Variants in AFF2 observed in about 807,000 individuals in gnomAD.
The protein encoded by AFF2 is ALF transcription elongation factor 2.
Under a neutral mutation model 76.9 loss-of-function variants are expected in AFF2, and 14 were observed. The observed-to-expected ratio is 0.18, with a 90% CI of 0.12 to 0.28. AFF2 has a LOEUF of 0.28. Among genes scored for constraint, AFF2 ranks in the 10% least tolerant of loss-of-function variants. The pLI, the probability that AFF2 is intolerant of heterozygous loss-of-function variation, is 1.00. For synonymous variants in AFF2, 398 were observed against 366.7 expected, an observed-to-expected ratio of 1.09 and a Z score of -0.98; for missense variants, 868 against 1,001.1, an observed-to-expected ratio of 0.87 and a Z score of 1.79.
chrX:148,713,932 A>C (rs1457053279), intron 3 of AFF2, among the ~76,000 whole-genome samples: 1 of 112,021 alleles, frequency 8.9e-6, no homozygotes, highest in Non-Finnish European at 1.9e-5. Context: ...TCAGGGTATG[A>C]AAATGCAAAG....
chrX:148,721,621 G>T (rs868960279), intron 3 of AFF2, among the ~76,000 whole-genome samples: 2 of 111,780 alleles, frequency 1.8e-5, no homozygotes, highest in Middle Eastern at 4.2e-3. Context: ...CAGTGTAGAG[G>T]CATGATTTTA....
intron 1 of AFF2, among the ~76,000 whole-genome samples, chrX:148,561,326 G>A (rs1237944700): frequency 9.0e-6 from 1 of 111,606 alleles, no homozygotes; most frequent in Non-Finnish European, 1.9e-5. Flanking sequence ...CTGGCTCTAG[G>A]GTATTTTCTC....
At chrX:148,695,120 T>C (rs782587707) in intron 3 of AFF2, among the ~76,000 whole-genome samples, 1 of 111,741 alleles carries the variant, frequency 8.9e-6, no homozygotes, top group South Asian at 3.8e-4. Context: ...CTGGCCTTCA[T>C]AAAGCACATT....
intron 9 of AFF2, among the ~76,000 whole-genome samples, chrX:148,908,671 G>A (rs2071436554): frequency 1.8e-5 from 2 of 111,951 alleles, no homozygotes; most frequent in East Asian, 2.8e-4. Context: ...CAGAGGCCCA[G>A]CGGCATCATT....
intron 8 of AFF2, among the ~76,000 whole-genome samples, chrX:148,903,622 T>G (rs1441051333): frequency 8.9e-6 from 1 of 111,745 alleles, no homozygotes; most frequent in Non-Finnish European, 1.9e-5. Context: ...TATGATTTGG[T>G]GTATATTTTC....
intron 7 of AFF2, among the ~76,000 whole-genome samples, chrX:148,855,227 G>A (rs1557275804): frequency 9.0e-6 from 1 of 110,787 alleles, no homozygotes; most frequent in Non-Finnish European, 1.9e-5. Flanking sequence ...ATTTTGGTTT[G>A]GTCAGCGTGG....
chrX:148,754,250 T>A (rs2055534726), intron 3 of AFF2, among the ~76,000 whole-genome samples: 1 of 111,993 alleles, frequency 8.9e-6, no homozygotes, highest in African/African-American at 3.2e-5. Context: ...TATGTAACAC[T>A]TTTTATCTCT....
At chrX:148,877,496 A>G (rs1389621028) in intron 7 of AFF2, among the ~76,000 whole-genome samples, 2 of 112,851 alleles carry the variant, frequency 1.8e-5, no homozygotes, top group African/African-American at 6.4e-5. Context: ...ATAACTGAGC[A>G]ACAATGCTGT....
chrX:148,938,763 C>T (rs1284388889), intron 9 of AFF2, among the ~76,000 whole-genome samples: 1 of 112,178 alleles, frequency 8.9e-6, no homozygotes, highest in African/African-American at 3.2e-5. Flanking sequence ...TCTCCTTGTT[C>T]ATTCTAGAAT....
chrX:148,583,622 A>G (rs1230763407), intron 1 of AFF2, among the ~76,000 whole-genome samples: 1 of 111,650 alleles, frequency 9.0e-6, no homozygotes, highest in Non-Finnish European at 1.9e-5. Flanking sequence ...TCTATTATAT[A>G]TTTTTTATCT....
intron 3 of AFF2, among the ~76,000 whole-genome samples, chrX:148,699,766 G>A (rs1429462685): frequency 9.0e-6 from 1 of 111,701 alleles, no homozygotes; most frequent in Non-Finnish European, 1.9e-5. Flanking sequence ...ATTTTTACTT[G>A]CCATATGTTT....
chrX:148,599,851 A>C (rs116016984), intron 1 of AFF2, among the ~76,000 whole-genome samples: 2,081 of 111,879 alleles, frequency 0.019, 56 homozygotes, highest in African/African-American at 0.062. Context: ...AACTTGAACA[A>C]TTCATGCAAA....
At position 148,696,038 on chromosome X, in the gene AFF2, T is replaced by C. The variant is rs200984894; in HGVS notation, c.1041+33270T>C. On this transcript the variant is annotated intron_variant, in intron 3 of 20. Coordinates refer to ENST00000370460, the MANE Select transcript of AFF2 (RefSeq NM_002025.4). ...CAAGACAAAGAAACAAATCTTTCCT[T>C]TCAAGAAGTAATGCTTTATTGATCA... Among the ~76,000 whole-genome samples, 4 of 112,217 alleles carry C rather than the reference T, an allele frequency of 3.6e-5. No homozygotes were observed. In the East Asian group the frequency reaches 1.1e-3, roughly 31 times the overall value.
At chrX:148,929,357 A>G (rs1441322609) in intron 9 of AFF2, among the ~76,000 whole-genome samples, 8 of 112,427 alleles carry the variant, frequency 7.1e-5, no homozygotes, top group Non-Finnish European at 1.5e-4. Context: ...ATATGAAATG[A>G]AATTTTGTTG....
intron 1 of AFF2, among the ~76,000 whole-genome samples, chrX:148,563,796 A>G (rs1266810272): frequency 8.9e-6 from 1 of 111,749 alleles, no homozygotes; most frequent in African/African-American, 3.3e-5. Flanking sequence ...ACTGATTTTC[A>G]GCCTGGGTTA....
chrX:148,811,410 GGT>G (rs1557271797), intron 4 of AFF2, among the ~76,000 whole-genome samples: 1 of 111,359 alleles, frequency 9.0e-6, no homozygotes, highest in Non-Finnish European at 1.9e-5. Flanking sequence ...CGACGTTTTG[GGT>G]GGAGACGAGG....
intron 7 of AFF2, among the ~76,000 whole-genome samples, chrX:148,879,848 T>C (rs1284547490): frequency 9.0e-6 from 1 of 111,494 alleles, no homozygotes; most frequent in African/African-American, 3.2e-5. Flanking sequence ...GGCTGAGGCC[T>C]TCAGTTGGCC....
chrX:148,893,473 T>C (rs1288164272), intron 8 of AFF2, among the ~76,000 whole-genome samples: 2 of 112,204 alleles, frequency 1.8e-5, no homozygotes, highest in African/African-American at 6.5e-5. Flanking sequence ...AGAAGTGTAA[T>C]GTTTTTATGT....
At chrX:148,742,524 T>G (rs868927782) in intron 3 of AFF2, among the ~76,000 whole-genome samples, 16 of 111,837 alleles carry the variant, frequency 1.4e-4, no homozygotes, top group Middle Eastern at 4.6e-3. Flanking sequence ...CAGTTTTAGT[T>G]TGCTGAGGAA....
Sources: gnomAD v4.1 joint callset for allele counts (sites outside exome capture counted in the v4.1 genomes callset) on GRCh38, gnomAD v4.1.1 for gene constraint, MANE v1.5 for transcripts, NCBI Gene and HGNC (gene_info 2026-07-23, HGNC 2026-07-21) for gene names.